TLE4: variants seen among roughly 807,000 people sequenced by gnomAD.
The protein encoded by TLE4 is transducin-like enhancer protein 4.
Under a neutral mutation model 92.8 loss-of-function variants are expected in TLE4, and 8 were observed. The observed-to-expected ratio is 0.09, with a 90% CI of 0.05 to 0.16. TLE4 has a LOEUF of 0.16. TLE4 is among the 10% of genes least tolerant of loss of function. The pLI is 1.00. For missense variants in TLE4, 675 were observed against 997.6 expected (o/e 0.68, Z 4.36); for synonymous variants, 371 against 374.1 (o/e 0.99, Z 0.10).
chr9:79,577,203 G>A (rs2038098205), intron 4 of TLE4, among the ~76,000 whole-genome samples: 1 of 152,042 alleles, frequency 6.6e-6, no homozygotes, highest in African/African-American at 2.4e-5. Context: ...AATATGAAAT[G>A]AGCACATACT....
At chr9:79,683,155 C>A (rs1357974548) in intron 8 of TLE4, among the ~76,000 whole-genome samples, 13 of 152,128 alleles carry the variant, frequency 8.5e-5, no homozygotes, top group African/African-American at 3.1e-4. Context: ...AAAGATTTGC[C>A]GACCTTTGAT....
chr9:79,668,073 A>T (rs184114423), intron 8 of TLE4, among the ~76,000 whole-genome samples: 2 of 152,376 alleles, frequency 1.3e-5, no homozygotes, highest in East Asian at 3.9e-4. Flanking sequence ...TGCCCAAGCA[A>T]CAAAGGAGAA....
chr9:79,647,376 A>G (rs1282420258), intron 6 of TLE4, among the ~76,000 whole-genome samples: 3 of 152,324 alleles, frequency 2.0e-5, no homozygotes, highest in East Asian at 3.9e-4. Context: ...AAGCCCATTT[A>G]TAATTCATAA....
In TLE4 at chr9:79,577,320, G is replaced by A. The variant is rs187774025; in HGVS notation, c.252+1143G>A. ...TAAGAGATGGCTGTTAGACAATAAG[G>A]CAATCTGATGAATAGTATTGGAAAA... On this transcript the variant is annotated intron_variant, in intron 4 of 19. Coordinates refer to ENST00000376552, the MANE Select transcript of TLE4 (RefSeq NM_007005.6). Among the ~76,000 whole-genome samples the A allele has an allele frequency of 3.9e-5, 6 of 152,192 alleles. No homozygotes were observed. The East Asian group carries it at 1.2e-3, about 29-fold the overall frequency.
Position 79,638,744 on chromosome 9 carries a change from T to C in TLE4, c.390+11296T>C, listed in dbSNP as rs1023421939. 7.3e-4 allele frequency among the ~76,000 whole-genome samples: 111 copies of C among 152,272 alleles called. 2 individuals carry two copies. Among genetic ancestry groups the C allele is most frequent in the African/African-American group, 2.4e-3 (101 of 41,564 alleles). On this transcript the variant is annotated intron_variant, in intron 6 of 19. Coordinates refer to ENST00000376552, the MANE Select transcript of TLE4 (RefSeq NM_007005.6). ...AGACACAGCTCTGCACAAATTAATA[T>C]CTGGGAGAAGAAACAGTTGAGAGGA...
intron 8 of TLE4, among the ~76,000 whole-genome samples, chr9:79,663,830 G>C (rs1282870904): frequency 1.3e-5 from 2 of 152,062 alleles, no homozygotes; most frequent in Non-Finnish European, 2.9e-5. Context: ...TATGCATAAG[G>C]GTGCTCTTTA....
At chr9:79,687,218 A>G (rs972160650) in intron 8 of TLE4, among the ~76,000 whole-genome samples, 2 of 152,314 alleles carry the variant, frequency 1.3e-5, no homozygotes, top group African/African-American at 2.4e-5. Context: ...CGAGCTCACC[A>G]TGCTCCTCAC....
At chr9:79,693,907 C>T (rs1352280488) in intron 8 of TLE4, among the ~76,000 whole-genome samples, 1 of 152,194 alleles carries the variant, frequency 6.6e-6, no homozygotes, top group East Asian at 1.9e-4. Flanking sequence ...GCTATTACTG[C>T]ACCACTTAGC....
In TLE4 at chr9:79,644,646, A is replaced by C. The variant is rs1156303563; in HGVS notation, c.391-7947A>C. ...CCGACTTACAGACAGGAGCGAGGCC[A>C]GCAGAACAACTGTCCATAGTAAATA... is the stretch of plus-strand genomic sequence containing the variant. On this transcript the variant is annotated intron_variant, in intron 6 of 19. Coordinates refer to ENST00000376552, the MANE Select transcript of TLE4 (RefSeq NM_007005.6). Among the ~76,000 whole-genome samples, 4 of 152,202 alleles carry C rather than the reference A, an allele frequency of 2.6e-5. 1 individual carries two copies. The highest frequency in any genetic ancestry group is 7.2e-5 in the African/African-American group (3 of 41,460).
chr9:79,581,189 A>G (rs981495895), intron 4 of TLE4, among the ~76,000 whole-genome samples: 1 of 152,222 alleles, frequency 6.6e-6, no homozygotes, highest in African/African-American at 2.4e-5. Context: ...GTAAATCTAA[A>G]TGAGTGTAGG....
At chr9:79,588,036 A>G (rs1011598648) in intron 4 of TLE4, among the ~76,000 whole-genome samples, 8 of 152,172 alleles carry the variant, frequency 5.3e-5, no homozygotes, top group African/African-American at 1.9e-4. Context: ...AGGGGTGTCA[A>G]GGCCAGGCAT....
chr9:79,710,110 A>G (rs1448555168), intron 14 of TLE4, among the ~76,000 whole-genome samples: 1 of 152,220 alleles, frequency 6.6e-6, no homozygotes, highest in Non-Finnish European at 1.5e-5. Flanking sequence ...CTGTTTTCAG[A>G]AAAGGTGACT....
chr9:79,608,972 G>A (rs2047730579), intron 4 of TLE4, among the ~76,000 whole-genome samples: 1 of 151,962 alleles, frequency 6.6e-6, no homozygotes, highest in African/African-American at 2.4e-5. Flanking sequence ...TTAAATTCAG[G>A]TATAGGGTTA....
At chr9:79,648,300 C>T (rs896796400) in intron 6 of TLE4, among the ~76,000 whole-genome samples, 3 of 152,132 alleles carry the variant, frequency 2.0e-5, no homozygotes, top group Non-Finnish European at 4.4e-5. Flanking sequence ...AGGCCTGAGA[C>T]TGGTCTCTTC....
chr9:79,604,075 T>C (rs986038879), intron 4 of TLE4, among the ~76,000 whole-genome samples: 1 of 152,132 alleles, frequency 6.6e-6, no homozygotes, highest in African/African-American at 2.4e-5. Flanking sequence ...TGATTACAGA[T>C]GCTGTCACGA....
intron 6 of TLE4, among the ~76,000 whole-genome samples, chr9:79,637,584 G>T (rs569864976): frequency 7.9e-5 from 12 of 152,306 alleles, no homozygotes; most frequent in African/African-American, 2.2e-4. Flanking sequence ...AACTGGGTAT[G>T]CTGGGTCCAC....
chr9:79,581,259 A>G (rs2039574618), intron 4 of TLE4, among the ~76,000 whole-genome samples: 1 of 152,190 alleles, frequency 6.6e-6, no homozygotes, highest in South Asian at 2.1e-4. Flanking sequence ...GCAGTTGATA[A>G]GTAAGTGGAA....
chr9:79,589,796 G>A (rs183512691), intron 4 of TLE4, among the ~76,000 whole-genome samples: 6 of 152,210 alleles, frequency 3.9e-5, no homozygotes, highest in African/African-American at 7.2e-5. Context: ...AGAATTCAAC[G>A]TGACGTTTCT....
intron 8 of TLE4, among the ~76,000 whole-genome samples, chr9:79,676,105 G>A (rs1177358180): frequency 1.3e-5 from 2 of 152,014 alleles, no homozygotes; most frequent in Non-Finnish European, 2.9e-5. Flanking sequence ...GACAATAAGG[G>A]ATAATGACTT....
Sources: gnomAD v4.1 joint callset for allele counts (sites outside exome capture counted in the v4.1 genomes callset) on GRCh38, gnomAD v4.1.1 for gene constraint, MANE v1.5 for transcripts, NCBI Gene and HGNC (gene_info 2026-07-23, HGNC 2026-07-21) for gene names.